The following VXN variants were observed in gnomAD, a reference collection of about 807,000 sequenced individuals.
The protein encoded by VXN is vexin.
In VXN, 7 loss-of-function variants were observed where a neutral mutation model predicts 23.1. That is an observed-to-expected ratio of 0.30 (90% CI 0.17 to 0.57). The LOEUF (loss-of-function observed/expected upper bound fraction) is 0.57. Ranked by LOEUF, VXN falls within the 20% of genes least tolerant of loss-of-function variation. The probability of loss-of-function intolerance (pLI) is 0.91; values close to 1 mark genes in which losing one functional copy is unlikely to be tolerated. For missense variants in VXN, 238 were observed against 272.6 expected, an observed-to-expected ratio of 0.87 and a Z score of 0.89; for synonymous variants, 120 against 105.8, an observed-to-expected ratio of 1.13 and a Z score of -0.83.
intron 3 of VXN, among the ~76,000 whole-genome samples, chr8:66,506,232 A>AGTGTGTGT (rs61613088): frequency 0.092 from 12,906 of 140,300 alleles, 622 homozygotes; most frequent in Non-Finnish European, 0.11. Flanking sequence ...AGAGAGAGAC[A>AGTGTGTGT]GTGTGTGTGT....
chr8:66,502,759 A>AAAAAAG (rs916408975), intron 2 of VXN, among the ~76,000 whole-genome samples: 5 of 152,136 alleles, frequency 3.3e-5, no homozygotes, highest in South Asian at 2.1e-4. Flanking sequence ...AAAATAAACA[A>AAAAAAG]AAAAAGAAAA....
chr8:66,511,688 C>T (rs540633924), intron 4 of VXN, among the ~76,000 whole-genome samples: 1 of 152,172 alleles, frequency 6.6e-6, no homozygotes. Context: ...CCTTGGCAGA[C>T]AGGCAGTGAC....
intron 3 of VXN, among the ~76,000 whole-genome samples, chr8:66,509,285 T>C (rs1427941939): frequency 2.0e-5 from 3 of 152,218 alleles, no homozygotes; most frequent in African/African-American, 7.2e-5. Context: ...GAAAGCCAGC[T>C]TTCCCCTACG....
At chr8:66,508,272 A>T (rs1563508147) in intron 3 of VXN, among the ~76,000 whole-genome samples, 1 of 151,954 alleles carries the variant, frequency 6.6e-6, no homozygotes, top group Non-Finnish European at 1.5e-5. Flanking sequence ...TACCTACCTC[A>T]AGCCACCCTG....
At chr8:66,504,817 C>T (rs1807731179) in intron 2 of VXN, among the ~76,000 whole-genome samples, 1 of 152,188 alleles carries the variant, frequency 6.6e-6, no homozygotes, top group Non-Finnish European at 1.5e-5. Context: ...TAGGAGAGCA[C>T]CCCGTGCCCC....
chr8:66,513,664 G>A, intron 5 of VXN, 27 bp downstream of exon 5: 4 of 1,571,416 alleles, frequency 2.5e-6, no homozygotes, highest in Non-Finnish European at 3.5e-6. Flanking sequence ...TGGCCCCACT[G>A]CCTGTGGCCT....
At chr8:66,509,723 A>G (rs1490393171) in intron 3 of VXN, among the ~76,000 whole-genome samples, 1 of 152,170 alleles carries the variant, frequency 6.6e-6, no homozygotes, top group East Asian at 1.9e-4. Context: ...TTTTAAATAG[A>G]CTTTATTTTT....
intron 2 of VXN, among the ~76,000 whole-genome samples, chr8:66,500,553 G>A (rs58679330): frequency 0.015 from 2,329 of 152,000 alleles, 73 homozygotes; most frequent in African/African-American, 0.053. Context: ...TTAGATTTAG[G>A]GGGTATGTGT....
chr8:66,496,573 C>T (rs998790917), intron 2 of VXN, 81 bp downstream of exon 2: 7 of 1,329,206 alleles, frequency 5.3e-6, no homozygotes, highest in Admixed American at 3.4e-5. Flanking sequence ...ACTCTCGCTC[C>T]CCAGCTCTCA....
Position 66,497,214 on chromosome 8 carries a change from A to C in VXN, c.126+722A>C, listed in dbSNP as rs528198613. Reference sequence around the variant, plus strand: ...CTATTCTTTTGGATTAATTCCTCAGAGCATAGGCCTCAAAGTAGAAAAAAA... The same window carrying C: ...CTATTCTTTTGGATTAATTCCTCAGCGCATAGGCCTCAAAGTAGAAAAAAA... On this transcript the variant is annotated intron_variant, in intron 2 of 5. Transcript: ENST00000305454. Among the ~76,000 whole-genome samples the C allele has an allele frequency of 2.0e-4, 31 of 152,262 alleles. 1 individual carries two copies. The highest frequency in any genetic ancestry group is 6.2e-4 in the South Asian group (3 of 4,820).
chr8:66,511,773 T>C (rs1807826759), intron 4 of VXN, among the ~76,000 whole-genome samples: 1 of 151,796 alleles, frequency 6.6e-6, no homozygotes, highest in African/African-American at 2.4e-5. Flanking sequence ...GGAATAAGAA[T>C]GAAGAGGAAG....
chr8:66,507,555 G>A (rs1413793543), intron 3 of VXN, among the ~76,000 whole-genome samples: 1 of 152,172 alleles, frequency 6.6e-6, no homozygotes, highest in African/African-American at 2.4e-5. Flanking sequence ...GAGTTTTAAG[G>A]ATCACTTTCA....
chr8:66,498,563 T>G (rs1807652779), intron 2 of VXN, among the ~76,000 whole-genome samples: 1 of 152,196 alleles, frequency 6.6e-6, no homozygotes, highest in Admixed American at 6.5e-5. Context: ...CCTGAAACCA[T>G]GGATAGTACT....
intron 1 of VXN, chr8:66,494,725 G>C (rs1807606583): frequency 6.6e-6 from 1 of 152,328 alleles, no homozygotes; most frequent in East Asian, 1.9e-4. Flanking sequence ...CCCACGTGCA[G>C]GAGTTGGAAT....
chr8:66,498,518 C>T (rs188515950), intron 2 of VXN, among the ~76,000 whole-genome samples: 1 of 152,300 alleles, frequency 6.6e-6, no homozygotes, highest in African/African-American at 2.4e-5. Context: ...CCCCCCTTAT[C>T]TGCAGGAAAT....
intron 5 of VXN, 70 bp downstream of exon 5, chr8:66,513,707 G>T: frequency 1.5e-6 from 2 of 1,324,454 alleles, no homozygotes; most frequent in Non-Finnish European, 2.1e-6. Flanking sequence ...CCCCAGAAGA[G>T]CACCAGGCCG....
intron 2 of VXN, among the ~76,000 whole-genome samples, chr8:66,496,693 G>A (rs1807630078): frequency 6.6e-6 from 1 of 152,126 alleles, no homozygotes; most frequent in Non-Finnish European, 1.5e-5. Flanking sequence ...CCCTGAACTG[G>A]ACCACTTATT....
At chr8:66,508,827 C>T (rs1367856588) in intron 3 of VXN, among the ~76,000 whole-genome samples, 1 of 152,126 alleles carries the variant, frequency 6.6e-6, no homozygotes, top group Non-Finnish European at 1.5e-5. Context: ...TGGCGAAACC[C>T]TATCTCCACA....
intron 1 of VXN, 71 bp downstream of exon 1, chr8:66,493,789 C>A: frequency 7.9e-7 from 1 of 1,263,760 alleles, no homozygotes; most frequent in Non-Finnish European, 1.2e-6. Context: ...CAGTCACGTG[C>A]TGCCTTACTA....
Sources: gnomAD v4.1 joint callset for allele counts (sites outside exome capture counted in the v4.1 genomes callset) on GRCh38, gnomAD v4.1.1 for gene constraint, MANE v1.5 for transcripts, NCBI Gene and HGNC (gene_info 2026-07-23, HGNC 2026-07-21) for gene names.